SAMD11: variants seen among roughly 807,000 people sequenced by gnomAD.
SAMD11 encodes the protein sterile alpha motif domain containing 11, also known as sterile alpha motif domain-containing protein 11.
Under a neutral mutation model 64.4 loss-of-function variants are expected in SAMD11, and 77 were observed. The observed-to-expected ratio is 1.20, with a 90% CI of 0.99 to 1.44. SAMD11 has a LOEUF of 1.44. SAMD11 is among the 40% of genes most tolerant of loss of function. The pLI, the probability that SAMD11 is intolerant of heterozygous loss-of-function variation, is 0.00. For synonymous variants in SAMD11, 658 were observed against 421.9 expected (o/e 1.56, Z -6.86); for missense variants, 1,402 against 943.3 (o/e 1.49, Z -6.37).
At position 942,180 on chromosome 1, in the gene SAMD11, C is replaced by T. The variant is rs567092399; in HGVS notation, c.1403C>T (p.Pro468Leu). The change falls in exon 9 of 14, where the codon CCT becomes CTT. Residue 468 changes from proline (P) to leucine (L), a missense_variant. Physicochemically the swap from Pro to Leu is moderately conservative, Grantham distance 98 (BLOSUM62 -3). Coordinates refer to ENST00000616016, the MANE Select transcript of SAMD11 (RefSeq NM_001385641.1). ...PPPLLSPQNA[P>L]HVALGPHLRP... is the part of the protein sequence containing the mutation. ...CCCTTGCTGTCGCCGCAGAATGCCC[C>T]TCACGTCGCCCTGGGCCCCCATCTC... The T allele has an allele frequency of 2.1e-6, 3 of 1,432,634 alleles. No individual in the cohort carries two copies. Among genetic ancestry groups the T allele is most frequent in the African/African-American group, 2.9e-5 (2 of 68,224 alleles). 88.7% of individuals were successfully genotyped at this position (1,432,634 alleles called of 1,614,324 possible).
chr1:930,546 G>A (rs1174833968), intron 3 of SAMD11, among the ~76,000 whole-genome samples: 1 of 152,102 alleles, frequency 6.6e-6, no homozygotes, highest in Non-Finnish European at 1.5e-5. Flanking sequence ...GCTCTGCGGC[G>A]CTCACTGGCA....
chr1:933,855 G>A (rs1168961413), intron 4 of SAMD11, among the ~76,000 whole-genome samples: 3 of 149,970 alleles, frequency 2.0e-5, no homozygotes, highest in African/African-American at 5.1e-5. Context: ...AAACGGATCT[G>A]CTTAGGGGCA....
chr1:930,239 G>A lies in SAMD11; in HGVS notation c.694G>A (p.Ala232Thr). ...GAAGGAGCGAACTCCCAGCTTCTCT[G>A]CCAGCGATGGTGACAGCGACGGGAG... ...LKKERTPSFS[A>T]SDGDSDGSGP... Residue 232 changes from alanine to threonine, a missense_variant, in exon 3 of 14, where the codon GCC becomes ACC. Physicochemically the swap from Ala to Thr is moderately conservative, Grantham distance 58. Coordinates refer to ENST00000616016, the MANE Select transcript of SAMD11 (RefSeq NM_001385641.1). 2 of 1,600,314 alleles carry A rather than the reference G, an allele frequency of 1.2e-6. No individual in the cohort carries two copies. Among genetic ancestry groups the A allele is most frequent in the South Asian group, 1.1e-5 (1 of 88,680 alleles).
Position 942,271 on chromosome 1 carries a change from T to A in SAMD11, c.1474+20T>A. ...CCCCAGGTGAGGAGGCGGGTGCGCA[T>A]CCCCTGGGAGCCCGCGTGGAGGCTC... On this transcript the variant is annotated intron_variant, in intron 9 of 13. Coordinates refer to ENST00000616016, the MANE Select transcript of SAMD11 (RefSeq NM_001385641.1). The A allele has an allele frequency of 1.9e-6, 2 of 1,078,306 alleles. No individual in the cohort carries two copies. The highest frequency in any genetic ancestry group is 2.0e-5 in the South Asian group (1 of 48,846). 66.8% of individuals were successfully genotyped at this position (1,078,306 alleles called of 1,614,324 possible). A position where few individuals can be genotyped will look rare whatever the true frequency, so the allele number is the denominator to read the frequency against.
rs138192888 is a variant in SAMD11, at chr1:937,087, C to G, written c.967+1191C>G. On this transcript the variant is annotated intron_variant, in intron 5 of 13. Coordinates refer to ENST00000616016, the MANE Select transcript of SAMD11 (RefSeq NM_001385641.1). ...CTACGGGGCCTCACGTGTCCTGGAC[C>G]CGTGTCCAGGTCTCCCATACGCACT... Among the ~76,000 whole-genome samples, 981 of 152,256 alleles carry G rather than the reference C, an allele frequency of 6.4e-3. 6 individuals carry two copies. The highest frequency in any genetic ancestry group is 0.011 in the African/African-American group (468 of 41,538).
chr1:932,531 T>A (rs1353634291), intron 4 of SAMD11, among the ~76,000 whole-genome samples: 1 of 152,232 alleles, frequency 6.6e-6, no homozygotes, highest in Non-Finnish European at 1.5e-5. Flanking sequence ...GACTGAAGCC[T>A]CCGCCTGTTG....
At position 941,217 on chromosome 1, in the gene SAMD11, C is replaced by T. The variant is rs565954118; in HGVS notation, c.1269C>T (p.Pro423=). ...CCAGTGGCCTGGAAGCCCACCTGCC[C>T]TCCTCCACGGCAGGTCAGCGTCGGA... ...RGPSGLEAHL[P]SSTAGQRRKQ... The change falls in exon 8 of 14, where the codon CCC becomes CCT. Residue 423 remains proline (P), a synonymous_variant. Transcript: ENST00000616016. 15 of 1,601,876 alleles carry T rather than the reference C, an allele frequency of 9.4e-6. No individual in the cohort carries two copies. In the African/African-American group the frequency reaches 1.3e-4, roughly 14 times the overall value.
At position 943,503 on chromosome 1, in the gene SAMD11, A is replaced by T; in HGVS notation, c.2178+126A>T. 4.1e-6 allele frequency: 4 copies of T among 971,568 alleles called. No homozygotes were observed. In the South Asian group the frequency reaches 6.6e-5, roughly 16 times the overall value. The allele number at this position is 971,568 out of a possible 1,614,324, so 60.2% of individuals were successfully genotyped here. A position where few individuals can be genotyped will look rare whatever the true frequency, so the allele number is the denominator to read the frequency against. Reference sequence around the variant, plus strand: ...TCCCTCCCCAAAAGCAGTGCGCAGCAGGGACTGGACTGTGCACCCCACCTT... The same window carrying T: ...TCCCTCCCCAAAAGCAGTGCGCAGCTGGGACTGGACTGTGCACCCCACCTT... On this transcript the variant is annotated intron_variant, in intron 12 of 13. Coordinates refer to ENST00000616016, the MANE Select transcript of SAMD11 (RefSeq NM_001385641.1).
rs759641902 is a variant in SAMD11, at chr1:941,230, G to A, written c.1282G>A (p.Gly428Ser). Reference protein sequence around the residue: ...LEAHLPSSTAGQRRKQGLAQH... With the variant: ...LEAHLPSSTASQRRKQGLAQH... ...AGCCCACCTGCCCTCCTCCACGGCA[G>A]GTCAGCGTCGGAAGCAGGGCCTGGC... Residue 428 changes from glycine (G) to serine (S), a missense_variant, in exon 8 of 14, where the codon GGT becomes AGT. Gly to Ser is a moderately conservative substitution (Grantham distance 56). Transcript: ENST00000616016. The A allele has an allele frequency of 1.2e-6, 2 of 1,601,268 alleles. No individual in the cohort carries two copies. The highest frequency in any genetic ancestry group is 2.7e-5 in the African/African-American group (2 of 74,696).
rs551630489 is a variant in SAMD11, at chr1:937,897, G to A, written c.968-1143G>A. Among the ~76,000 whole-genome samples the A allele has an allele frequency of 3.3e-5, 5 of 152,374 alleles. No homozygotes were observed. In the East Asian group the frequency reaches 9.6e-4, roughly 29 times the overall value. ...CGCACTTCCCCAGCCTGATAAAAATGACAGATTAAGGGAATAAGAAAAAGG... is the reference window on the plus strand; with the variant it reads ...CGCACTTCCCCAGCCTGATAAAAATAACAGATTAAGGGAATAAGAAAAAGG... On this transcript the variant is annotated intron_variant, in intron 5 of 13. Transcript: ENST00000616016.
In SAMD11 at chr1:942,568, G is replaced by A. The variant is rs1357571906; in HGVS notation, c.1563G>A (p.Leu521=). 3 of 1,403,054 alleles carry A rather than the reference G, an allele frequency of 2.1e-6. No individual in the cohort carries two copies. Among genetic ancestry groups the A allele is most frequent in the South Asian group, 3.1e-5 (2 of 64,822 alleles). 86.9% of individuals were successfully genotyped at this position (1,403,054 alleles called of 1,614,324 possible). A position where few individuals can be genotyped will look rare whatever the true frequency, so the allele number is the denominator to read the frequency against. The change falls in exon 11 of 14, where the codon CTG becomes CTA. Residue 521 remains leucine (L), a synonymous_variant. Coordinates refer to ENST00000616016, the MANE Select transcript of SAMD11 (RefSeq NM_001385641.1). ...LRKQNLARLE[L]PADLLRQKEL... ...TCTGCCCCCGGCCCAGGCTGGAGCT[G>A]CCCGCCGACCTCCTGCGGCAGAAGG...
intron 2 of SAMD11, 127 bp from the exon 3 acceptor site, chr1:930,028 G>T: frequency 8.7e-7 from 1 of 1,147,444 alleles, no homozygotes; most frequent in Non-Finnish European, 1.2e-6. Flanking sequence ...CTTGGGGCTC[G>T]GCCTGGGGTG....
intron 7 of SAMD11, among the ~76,000 whole-genome samples, chr1:940,726 G>T (rs1641712592): frequency 6.6e-6 from 1 of 152,232 alleles, no homozygotes; most frequent in South Asian, 2.1e-4. Flanking sequence ...TTGGCCAGCC[G>T]CGTCTACTAT....
chr1:930,804 C>T (rs1021920069), intron 3 of SAMD11, among the ~76,000 whole-genome samples: 2 of 152,358 alleles, frequency 1.3e-5, no homozygotes, highest in Non-Finnish European at 2.9e-5. Flanking sequence ...CTTCCTGATG[C>T]GTGTCTGCTG....
chr1:939,169 AG>A, intron 6 of SAMD11, 40 bp downstream of exon 6: 1 of 1,556,266 alleles, frequency 6.4e-7, no homozygotes, highest in East Asian at 2.4e-5. Flanking sequence ...TCACCAGGGG[AG>A]GGGGCAGTCC....
Position 928,184 on chromosome 1 carries a change from G to A in SAMD11, c.610-1971G>A, listed in dbSNP as rs752349568. Among the ~76,000 whole-genome samples, 39 of 152,304 alleles carry A rather than the reference G, an allele frequency of 2.6e-4. 1 individual carries two copies. Among genetic ancestry groups the A allele is most frequent in the Admixed American group, 4.6e-4 (7 of 15,306 alleles). On this transcript the variant is annotated intron_variant, in intron 2 of 13. Transcript: ENST00000616016. Reference sequence around the variant, plus strand: ...CGAGGCGGGCGGATCACGAGGTCAGGAGATCGAGACCATCCTGACTAACAC... The same window carrying A: ...CGAGGCGGGCGGATCACGAGGTCAGAAGATCGAGACCATCCTGACTAACAC...
intron 2 of SAMD11, among the ~76,000 whole-genome samples, chr1:927,157 TCA>T (rs1252696226): frequency 6.6e-6 from 1 of 152,166 alleles, no homozygotes; most frequent in Non-Finnish European, 1.5e-5. Context: ...GGCAGGCAGC[TCA>T]CAGAGTTCCC....
chr1:926,074 G>A (rs1640870388), intron 2 of SAMD11, 61 bp downstream of exon 2: 2 of 1,454,994 alleles, frequency 1.4e-6, no homozygotes, highest in Non-Finnish European at 1.9e-6. Context: ...TTGTCCCTGC[G>A]GTTTTCAGGG....
At chr1:926,229 C>A (rs1640880504) in intron 2 of SAMD11, among the ~76,000 whole-genome samples, 1 of 152,222 alleles carries the variant, frequency 6.6e-6, no homozygotes, top group Admixed American at 6.5e-5. Flanking sequence ...GAGCGCCCTC[C>A]CCGGTGGAGA....
Sources: allele counts gnomAD v4.1 joint callset (sites outside exome capture counted in the v4.1 genomes callset), GRCh38; gene constraint gnomAD v4.1.1; transcripts MANE v1.5; gene names NCBI Gene and HGNC (gene_info 2026-07-23, HGNC 2026-07-21).